The following TMEM117 variants were observed in gnomAD, a reference collection of about 807,000 sequenced individuals.
The protein encoded by TMEM117 is transmembrane protein 117.
A neutral mutation model predicts 52.4 loss-of-function variants in TMEM117; 27 were observed. The observed-to-expected ratio is 0.51, with a 90% CI of 0.38 to 0.71. TMEM117 has a LOEUF of 0.71. Ranked by LOEUF, TMEM117 falls within the 30% of genes least tolerant of loss-of-function variation. TMEM117 has a pLI of 0.00. For missense variants in TMEM117, 556 were observed against 630.5 expected, an observed-to-expected ratio of 0.88 and a Z score of 1.26; for synonymous variants, 215 against 206.3, an observed-to-expected ratio of 1.04 and a Z score of -0.36.
chr12:44,119,252 T>C (rs1211102792), intron 3 of TMEM117, among the ~76,000 whole-genome samples: 1 of 152,224 alleles, frequency 6.6e-6, no homozygotes, highest in African/African-American at 2.4e-5. Flanking sequence ...TAAATGATTC[T>C]GAAACAGACT....
At chr12:44,365,803 C>T (rs181775741) in intron 6 of TMEM117, among the ~76,000 whole-genome samples, 7 of 151,806 alleles carry the variant, frequency 4.6e-5, no homozygotes, top group East Asian at 3.9e-4. Flanking sequence ...ATGTGCAGAA[C>T]GTGCAGGTTT....
At chr12:44,197,056 G>A (rs1949430417) in intron 4 of TMEM117, among the ~76,000 whole-genome samples, 2 of 152,176 alleles carry the variant, frequency 1.3e-5, no homozygotes, top group African/African-American at 2.4e-5. Context: ...AAAATGGCAG[G>A]CTACCTAGTG....
At chr12:44,043,058 T>C (rs1946827429) in intron 3 of TMEM117, among the ~76,000 whole-genome samples, 1 of 152,206 alleles carries the variant, frequency 6.6e-6, no homozygotes, top group African/African-American at 2.4e-5. Context: ...CACTCTTCTT[T>C]CACCACTTGT....
chr12:44,312,587 T>C (rs1039262893), intron 6 of TMEM117, among the ~76,000 whole-genome samples: 1 of 152,158 alleles, frequency 6.6e-6, no homozygotes, highest in Admixed American at 6.6e-5. Context: ...TGCACATGTC[T>C]TTTTGGTGAT....
At chr12:44,390,491 A>C (rs138521591), downstream of TMEM117, among the ~76,000 whole-genome samples, 729 of 152,264 alleles carry the variant, frequency 4.8e-3, 6 homozygotes, top group African/African-American at 0.016. Flanking sequence ...TGACTTATAA[A>C]AATATTATTT....
the TMEM117 span, among the ~76,000 whole-genome samples, chr12:43,796,429 C>T: frequency 6.6e-6 from 1 of 152,078 alleles, no homozygotes; most frequent in Non-Finnish European, 1.5e-5. Flanking sequence ...CATGCCTTAT[C>T]TGTACTTAAG....
At chr12:44,041,833 T>C (rs1044276011) in intron 3 of TMEM117, among the ~76,000 whole-genome samples, 5 of 152,152 alleles carry the variant, frequency 3.3e-5, no homozygotes, top group Non-Finnish European at 5.9e-5. Flanking sequence ...ATAAATGTGA[T>C]CTGTCCCATA....
At chr12:44,079,656 T>C (rs1947447035) in intron 3 of TMEM117, among the ~76,000 whole-genome samples, 1 of 152,082 alleles carries the variant, frequency 6.6e-6, no homozygotes. Context: ...CAACATAAGA[T>C]TTTATGAGAC....
At chr12:44,110,242 A>T (rs1948035188) in intron 3 of TMEM117, among the ~76,000 whole-genome samples, 1 of 149,872 alleles carries the variant, frequency 6.7e-6, no homozygotes. Flanking sequence ...TTCCAACACT[A>T]TGTTGAATAG....
the TMEM117 span, chr12:43,797,859 A>G: frequency 3.1e-6 from 5 of 1,604,722 alleles, no homozygotes; most frequent in Non-Finnish European, 4.3e-6. Context: ...TTAATTTACA[A>G]GTTTAGCAGT....
At chr12:44,035,891 A>G (rs1946702401) in intron 3 of TMEM117, among the ~76,000 whole-genome samples, 1 of 152,216 alleles carries the variant, frequency 6.6e-6, no homozygotes, top group Admixed American at 6.5e-5. Flanking sequence ...AGGCAACTGC[A>G]GGACTGCTGA....
intron 7 of TMEM117, among the ~76,000 whole-genome samples, chr12:44,386,036 G>T (rs548753743): frequency 3.3e-5 from 5 of 152,176 alleles, no homozygotes; most frequent in African/African-American, 1.2e-4. Context: ...AGGACCACAT[G>T]AATTGTTCCG....
At chr12:44,221,687 T>C (rs989856365) in intron 5 of TMEM117, among the ~76,000 whole-genome samples, 4 of 152,034 alleles carry the variant, frequency 2.6e-5, no homozygotes, top group African/African-American at 9.7e-5. Context: ...AATGTTTAGT[T>C]TTTTAGATCT....
In TMEM117 at chr12:44,277,225, C is replaced by T. The variant is rs1228056379; in HGVS notation, c.609-22355C>T. 2.6e-5 allele frequency among the ~76,000 whole-genome samples: 4 copies of T among 151,732 alleles called. No individual in the cohort carries two copies. In the East Asian group the frequency reaches 7.7e-4, roughly 29 times the overall value. On this transcript the variant is annotated intron_variant, in intron 5 of 7. Transcript: ENST00000266534. Reference sequence around the variant, plus strand: ...TTTGCTTAAGCCGAGGTTTATTTTCCAGTTTGTATAGGTAATCCTTCTTAG... The same window carrying T: ...TTTGCTTAAGCCGAGGTTTATTTTCTAGTTTGTATAGGTAATCCTTCTTAG...
chr12:43,960,239 G>A (rs1421514242), intron 3 of TMEM117, among the ~76,000 whole-genome samples: 1 of 152,060 alleles, frequency 6.6e-6, no homozygotes, highest in African/African-American at 2.4e-5. Context: ...AAGAAAGGCT[G>A]GAAATGAATG....
At chr12:43,873,037 C>A (rs1943733192) in intron 2 of TMEM117, among the ~76,000 whole-genome samples, 1 of 152,026 alleles carries the variant, frequency 6.6e-6, no homozygotes, top group African/African-American at 2.4e-5. Flanking sequence ...ATCAAAGGTG[C>A]CATGAGAAAT....
chr12:44,230,213 T>A lies in TMEM117; in HGVS notation c.608+18826T>A, dbSNP rs533561903. Among the ~76,000 whole-genome samples, 9 of 152,246 alleles carry A rather than the reference T, an allele frequency of 5.9e-5. No individual in the cohort carries two copies. The East Asian group carries it at 1.7e-3, about 29-fold the overall frequency. ...GTGGTTCGTGACTTGCTGAATATTA[T>A]GTAGTCAGTCAGTAGAGGGGCTGAC... On this transcript the variant is annotated intron_variant, in intron 5 of 7. Coordinates refer to ENST00000266534, the MANE Select transcript of TMEM117 (RefSeq NM_032256.3).
Position 44,355,080 on chromosome 12 carries a change from A to G in TMEM117, c.769-21515A>G, listed in dbSNP as rs1592714388. 2.6e-5 allele frequency among the ~76,000 whole-genome samples: 4 copies of G among 152,034 alleles called. No homozygotes were observed. The East Asian group carries it at 7.7e-4, about 29-fold the overall frequency. On this transcript the variant is annotated intron_variant, in intron 6 of 7. Coordinates refer to ENST00000266534, the MANE Select transcript of TMEM117 (RefSeq NM_032256.3). Reference sequence around the variant, plus strand: ...AATGGATATATGATATTCTGTTTTTATTATTATTTCCAAAGGCTAAGGTAG... The same window carrying G: ...AATGGATATATGATATTCTGTTTTTGTTATTATTTCCAAAGGCTAAGGTAG...
At chr12:44,341,053 G>A (rs970756406) in intron 6 of TMEM117, among the ~76,000 whole-genome samples, 3 of 152,008 alleles carry the variant, frequency 2.0e-5, no homozygotes, top group Non-Finnish European at 4.4e-5. Context: ...AGGCTGGAGT[G>A]CAGTGGCATG....
Sources: allele counts gnomAD v4.1 joint callset (sites outside exome capture counted in the v4.1 genomes callset), GRCh38; gene constraint gnomAD v4.1.1; transcripts MANE v1.5; gene names NCBI Gene and HGNC (gene_info 2026-07-23, HGNC 2026-07-21).